TRAPPC9: variants seen among roughly 807,000 people sequenced by gnomAD.
TRAPPC9 encodes the protein trafficking protein particle complex subunit 9, also known as IKK2 binding protein.
A neutral mutation model predicts 124.0 loss-of-function variants in TRAPPC9; 83 were observed. The ratio of observed to expected loss-of-function variants is 0.67; its 90% CI spans 0.56 to 0.80. The LOEUF (loss-of-function observed/expected upper bound fraction) is 0.80. TRAPPC9 is among the 30% of genes least tolerant of loss of function. The probability of loss-of-function intolerance (pLI) is 0.00; values close to 1 mark genes in which losing one functional copy is unlikely to be tolerated. For missense variants in TRAPPC9, 1,302 were observed against 1,508.3 expected, an observed-to-expected ratio of 0.86 and a Z score of 2.27; for synonymous variants, 638 against 617.5, an observed-to-expected ratio of 1.03 and a Z score of -0.49.
chr8:140,200,500 G>A (rs898006538), intron 17 of TRAPPC9, among the ~76,000 whole-genome samples: 6 of 152,120 alleles, frequency 3.9e-5, no homozygotes, highest in African/African-American at 1.4e-4. Context: ...ACCCCGGCCA[G>A]GCGATCAAGG....
intron 21 of TRAPPC9, among the ~76,000 whole-genome samples, chr8:139,791,644 C>T (rs1339625121): frequency 1.3e-5 from 2 of 152,244 alleles, no homozygotes; most frequent in Non-Finnish European, 2.9e-5. Context: ...TAAGCCCAGG[C>T]GCTGGGCTCT....
intron 17 of TRAPPC9, 116 bp downstream of exon 17, chr8:140,221,343 G>T: frequency 6.9e-7 from 1 of 1,456,834 alleles, no homozygotes; most frequent in Non-Finnish European, 9.5e-7. Flanking sequence ...CAAGAATCCA[G>T]CTTTCAAATA....
intron 21 of TRAPPC9, among the ~76,000 whole-genome samples, chr8:139,746,571 G>C (rs575816106): frequency 6.6e-6 from 1 of 152,162 alleles, no homozygotes; most frequent in Non-Finnish European, 1.5e-5. Flanking sequence ...ACGAAGACAC[G>C]AGGTGGTCAG....
intron 21 of TRAPPC9, among the ~76,000 whole-genome samples, chr8:139,791,255 G>C (rs544990383): frequency 1.3e-5 from 2 of 152,094 alleles, no homozygotes; most frequent in East Asian, 3.9e-4. Flanking sequence ...ACTCTAACAC[G>C]CAGACTCACA....
intron 22 of TRAPPC9, among the ~76,000 whole-genome samples, 178 bp downstream of exon 22, chr8:139,731,801 G>A (rs568579368): frequency 6.6e-6 from 1 of 152,174 alleles, no homozygotes; most frequent in Non-Finnish European, 1.5e-5. Context: ...AGGTGAGCTT[G>A]TCTAAGTTCC....
At chr8:139,887,936 C>A (rs1017881928) in intron 20 of TRAPPC9, among the ~76,000 whole-genome samples, 3 of 152,200 alleles carry the variant, frequency 2.0e-5, no homozygotes, top group Non-Finnish European at 2.9e-5. Flanking sequence ...GCAGCACAGC[C>A]CGTAGCCCCT....
At chr8:140,045,735 CT>C (rs1330239961) in intron 17 of TRAPPC9, among the ~76,000 whole-genome samples, 11 of 150,278 alleles carry the variant, frequency 7.3e-5, no homozygotes, top group African/African-American at 2.7e-4. Flanking sequence ...CTCAGGTCTT[CT>C]GGGGAGATGA....
intron 19 of TRAPPC9, among the ~76,000 whole-genome samples, chr8:139,944,958 A>G (rs918379380): frequency 1.1e-4 from 16 of 152,170 alleles, no homozygotes; most frequent in African/African-American, 1.7e-4. Flanking sequence ...CCCTGTCTCT[A>G]CTAAAAATAC....
intron 21 of TRAPPC9, among the ~76,000 whole-genome samples, chr8:139,858,224 G>GA (rs1029486819): frequency 2.6e-5 from 4 of 152,232 alleles, no homozygotes; most frequent in African/African-American, 9.6e-5. Flanking sequence ...CAACAACAAA[G>GA]AAAGAGTCAA....
chr8:140,028,673 A>T (rs1172985053), intron 17 of TRAPPC9, among the ~76,000 whole-genome samples: 2 of 152,242 alleles, frequency 1.3e-5, no homozygotes, highest in East Asian at 1.9e-4. Flanking sequence ...GGACTGTGGC[A>T]CTTGAGAGGA....
At chr8:139,976,884 C>A (rs1211149353) in intron 19 of TRAPPC9, among the ~76,000 whole-genome samples, 1 of 152,146 alleles carries the variant, frequency 6.6e-6, no homozygotes, top group Non-Finnish European at 1.5e-5. Flanking sequence ...TGTGGGGGAG[C>A]TGTAGGGGGA....
At chr8:139,858,368 C>T (rs371938215) in intron 21 of TRAPPC9, among the ~76,000 whole-genome samples, 11 of 152,214 alleles carry the variant, frequency 7.2e-5, no homozygotes, top group East Asian at 1.9e-4. Context: ...CGTGCCTCCC[C>T]GGGGCCTCCG....
intron 17 of TRAPPC9, chr8:140,082,095 G>A (rs1415645108): frequency 1.3e-5 from 2 of 152,200 alleles, no homozygotes; most frequent in African/African-American, 4.8e-5. Flanking sequence ...GATGTTGTCA[G>A]GGAAAGCAGC....
intron 9 of TRAPPC9, among the ~76,000 whole-genome samples, chr8:140,325,985 A>G (rs1156537006): frequency 1.3e-5 from 2 of 152,186 alleles, no homozygotes; most frequent in Non-Finnish European, 2.9e-5. Context: ...TAAAAACTGC[A>G]ATTTGTATAT....
At chr8:140,393,031 A>ATTTTT (rs869235393) in intron 7 of TRAPPC9, among the ~76,000 whole-genome samples, 24 of 141,878 alleles carry the variant, frequency 1.7e-4, no homozygotes, top group African/African-American at 5.7e-4. Context: ...TTCCCATTTT[A>ATTTTT]TTTTTATTTT....
chr8:139,823,071 T>A (rs1279238758), intron 21 of TRAPPC9, among the ~76,000 whole-genome samples: 1 of 151,964 alleles, frequency 6.6e-6, no homozygotes. Flanking sequence ...CCCATCCTCA[T>A]CCCCCATTTA....
Position 140,252,891 on chromosome 8 carries a change from CCT to C in TRAPPC9, c.2315_2316del (p.Glu772GlyfsTer38). On this transcript the variant is annotated frameshift_variant, in exon 16 of 23. Coordinates refer to ENST00000438773, the MANE Select transcript of TRAPPC9 (RefSeq NM_001160372.4). LOFTEE classifies it high-confidence loss of function. The surrounding 1 kb of genome is among the most constrained non-coding windows in gnomAD (Gnocchi z 4.2). ...TGCAAAGGGAACTGGGCAAGGGTTT[CCT>C]CTAGCTTCCAGCTCAAGAAGTCGCC... ...LYGDFLSWKL[E>X]ETLAQFPLQP... 6.2e-7 allele frequency: 1 copy of C among 1,614,100 alleles called. No homozygotes were observed. The highest frequency in any genetic ancestry group is 8.5e-7 in the Non-Finnish European group (1 of 1,180,026).
At position 140,454,123 on chromosome 8, in the gene TRAPPC9, T is replaced by C. The variant is rs188311615; in HGVS notation, c.-10-2740A>G. Among the ~76,000 whole-genome samples the C allele has an allele frequency of 1.6e-3, 238 of 151,762 alleles. 1 individual carries two copies. The highest frequency in any genetic ancestry group is 5.5e-3 in the African/African-American group (227 of 41,328). On this transcript the variant is annotated intron_variant, in intron 1 of 22. Transcript: ENST00000438773. ...GGTCAACATGACAAAACCCCATCTC[T>C]ATTAAAAATACAAAAATTAGCCAGG...
At chr8:139,894,561 AG>A (rs138961172) in intron 20 of TRAPPC9, among the ~76,000 whole-genome samples, 1,534 of 151,450 alleles carry the variant, frequency 0.01, 17 homozygotes, top group African/African-American at 0.034. Context: ...CAGCGGAGGG[AG>A]GGGGGGGCTG....
Sources: allele counts gnomAD v4.1 joint callset (sites outside exome capture counted in the v4.1 genomes callset), GRCh38; gene constraint gnomAD v4.1.1; non-coding constraint Gnocchi (gnomAD v3.1); transcripts MANE v1.5; gene names NCBI Gene and HGNC (gene_info 2026-07-23, HGNC 2026-07-21).